Variants in PSD4 observed in about 807,000 individuals in gnomAD.
PSD4 encodes pleckstrin and Sec7 domain containing 4.
A neutral mutation model predicts 112.5 loss-of-function variants in PSD4; 59 were observed. The ratio of observed to expected loss-of-function variants is 0.52; its 90% CI spans 0.43 to 0.65. The LOEUF (loss-of-function observed/expected upper bound fraction) is 0.65, where lower values mean the gene tolerates loss of function less well. PSD4 is among the 30% of genes least tolerant of loss of function. The pLI is 0.00. For synonymous variants in PSD4, 533 were observed against 540.0 expected (o/e 0.99, Z 0.18); for missense variants, 1,267 against 1,352.6 (o/e 0.94, Z 0.99).
chr2:113,199,142 T>G lies in PSD4; in HGVS notation c.2829T>G (p.Asp943Glu), dbSNP rs1688702354. Residue 943 changes from aspartate (D) to glutamate (E), a missense_variant, in exon 16 of 17, where the codon GAT becomes GAG. Physicochemically the swap from Asp to Glu is conservative, Grantham distance 45. Around this residue, in one of 2 missense-constraint regions of PSD4, gnomAD observed 544 missense variants for 648.6 expected, o/e 0.84. Coordinates refer to ENST00000245796, the MANE Select transcript of PSD4 (RefSeq NM_012455.3). ...ACGCTGCCGCGGACGACCTGCTGGA[T>G]CTACAGAGGAACCTGCCGGAGCGGC... ...CLDAAADDLLDLQRNLPERRG... is the reference protein window; with the variant it reads ...CLDAAADDLLELQRNLPERRG... The G allele has an allele frequency of 1.3e-6, 2 of 1,530,202 alleles. No individual in the cohort carries two copies. The highest frequency in any genetic ancestry group is 2.6e-5 in the East Asian group (1 of 38,350). The allele number at this position is 1,530,202 out of a possible 1,614,324, so 94.8% of individuals were successfully genotyped here. A position where few individuals can be genotyped will look rare whatever the true frequency, so the allele number is the denominator to read the frequency against.
chr2:113,178,599 C>T (rs1281723144), intron 1 of PSD4, among the ~76,000 whole-genome samples: 1 of 151,978 alleles, frequency 6.6e-6, no homozygotes, highest in East Asian at 1.9e-4. Flanking sequence ...AGTGGGGTTT[C>T]CTCTCATCTT....
At chr2:113,199,603 T>TA (rs5833486) in intron 16 of PSD4, among the ~76,000 whole-genome samples, 43,199 of 152,156 alleles carry the variant, frequency 0.28, 6,978 homozygotes, top group African/African-American at 0.46. Flanking sequence ...CTGTTCCTTC[T>TA]AATACCTACC....
intron 8 of PSD4, 93 bp from the exon 9 acceptor site, chr2:113,193,499 G>A: frequency 6.6e-7 from 1 of 1,507,794 alleles, no homozygotes; most frequent in Non-Finnish European, 9.2e-7. Context: ...AAGCATTCCA[G>A]GGGTTATTCG....
At chr2:113,190,251 C>T (rs779342484) in intron 5 of PSD4, among the ~76,000 whole-genome samples, 1 of 152,152 alleles carries the variant, frequency 6.6e-6, no homozygotes, top group African/African-American at 2.4e-5. Flanking sequence ...ATTATCCCAA[C>T]ACCATTTGTT....
chr2:113,200,218 T>C (rs746138093), intron 16 of PSD4, among the ~76,000 whole-genome samples: 2 of 152,180 alleles, frequency 1.3e-5, no homozygotes, highest in African/African-American at 2.4e-5. Flanking sequence ...TCCCCAATTC[T>C]GCTTTGGTGT....
chr2:113,181,267 C>T (rs1268047429), intron 1 of PSD4, among the ~76,000 whole-genome samples: 8 of 150,968 alleles, frequency 5.3e-5, no homozygotes, highest in Non-Finnish European at 1.0e-4. Flanking sequence ...GGAGTGCTTA[C>T]GACATGCCAT....
intron 16 of PSD4, among the ~76,000 whole-genome samples, chr2:113,199,459 C>T (rs1474169233): frequency 2.6e-5 from 4 of 152,264 alleles, no homozygotes; most frequent in African/African-American, 7.2e-5. Context: ...AGGCCTGTCG[C>T]CTCTCGTCCT....
At chr2:113,199,762 A>G (rs2104510177) in intron 16 of PSD4, among the ~76,000 whole-genome samples, 1 of 152,358 alleles carries the variant, frequency 6.6e-6, no homozygotes, top group South Asian at 2.1e-4. Flanking sequence ...CAAATCTGGT[A>G]AATTTACATG....
chr2:113,184,785 C>T (rs1312895269), intron 2 of PSD4, among the ~76,000 whole-genome samples, 172 bp from the exon 3 acceptor site: 1 of 152,208 alleles, frequency 6.6e-6, no homozygotes, highest in Non-Finnish European at 1.5e-5. Context: ...CTGGGGCTAT[C>T]ACCCTCCCTA....
rs1396749553 is a variant in PSD4, at chr2:113,182,452, A to G, written c.-5A>G. ...GGGCACTCCTGGGCAGCTTTTGCTC[A>G]GTGGATGATGGGTGACTACAGACTC... On this transcript the variant is annotated 5_prime_UTR_variant, in exon 2 of 17. Coordinates refer to ENST00000245796, the MANE Select transcript of PSD4 (RefSeq NM_012455.3). The G allele has an allele frequency of 1.9e-6, 3 of 1,597,740 alleles. No homozygotes were observed. Among genetic ancestry groups the G allele is most frequent in the South Asian group, 2.2e-5 (2 of 89,576 alleles).
intron 5 of PSD4, among the ~76,000 whole-genome samples, chr2:113,187,438 G>A (rs1286993782): frequency 6.6e-6 from 1 of 152,186 alleles, no homozygotes; most frequent in Non-Finnish European, 1.5e-5. Context: ...AAGCTAGGTG[G>A]GCTCTAGTAA....
chr2:113,192,493 G>A lies in PSD4; in HGVS notation c.1742G>A (p.Gly581Asp), dbSNP rs749851010. ...RPPAGDKLANGVRNNKVAWNL... is the reference protein window; with the variant it reads ...RPPAGDKLANDVRNNKVAWNL... The stretch of plus-strand genomic sequence containing the variant: ...CCAGCTGGAGACAAGCTAGCTAATG[G>A]CGTCAGGAACAACAAGGTAGCCTGG... Residue 581 changes from glycine (G) to aspartate (D), a missense_variant, in exon 6 of 17, where the codon GGC (glycine) becomes GAC (aspartate). Around this residue, in one of 2 missense-constraint regions of PSD4, gnomAD observed 544 missense variants for 648.6 expected, o/e 0.84. Coordinates refer to ENST00000245796, the MANE Select transcript of PSD4 (RefSeq NM_012455.3). 3.1e-6 allele frequency: 5 copies of A among 1,614,212 alleles called. No individual in the cohort carries two copies. Among genetic ancestry groups the A allele is most frequent in the Non-Finnish European group, 3.4e-6 (4 of 1,180,048 alleles).
At chr2:113,193,392 C>A in intron 8 of PSD4, 22 bp downstream of exon 8, 2 of 1,604,944 alleles carry the variant, frequency 1.2e-6, no homozygotes, top group Non-Finnish European at 8.5e-7. Context: ...CTGGCCCTGA[C>A]AGCAAAGCAG....
rs1687897486 is a variant in PSD4 at position 113,174,000 on chromosome 2, A to C, written c.-166A>C. 6.6e-6 allele frequency: 1 copy of C among 152,520 alleles called. No homozygotes were observed. The highest frequency in any genetic ancestry group is 2.4e-5 in the African/African-American group (1 of 41,462). The allele number at this position is 152,520 out of a possible 1,614,324, so 9.4% of individuals were successfully genotyped here. Reference sequence around the variant, plus strand: ...TCACTGGGCAAGCCGACTGTGAGCCAGGAAGTGCTCTTGGGGAGCCCAGGC... The same window carrying C: ...TCACTGGGCAAGCCGACTGTGAGCCCGGAAGTGCTCTTGGGGAGCCCAGGC... On this transcript the variant is annotated 5_prime_UTR_variant, in exon 1 of 17. Transcript: ENST00000245796.
Position 113,197,859 on chromosome 2 carries a change from C to T in PSD4, c.2570C>T (p.Pro857Leu), listed in dbSNP as rs765703151. Residue 857 changes from proline (P) to leucine (L), a missense_variant, in exon 14 of 17, where the codon CCG becomes CTG. Pro to Leu is a moderately conservative substitution (Grantham distance 98, BLOSUM62 -3). This residue lies in a region of PSD4 where 544 missense variants were observed against 648.6 expected (regional missense o/e 0.84). Coordinates refer to ENST00000245796, the MANE Select transcript of PSD4 (RefSeq NM_012455.3). ...CCCGCCACGCATTACACCAAGAAGC[C>T]GCACGTCTTCCAGCTGCGCACGGCT... ...ATPATHYTKK[P>L]HVFQLRTADW... The T allele has an allele frequency of 5.6e-6, 9 of 1,608,164 alleles. No individual in the cohort carries two copies. Among genetic ancestry groups the T allele is most frequent in the African/African-American group, 2.7e-5 (2 of 74,772 alleles).
At chr2:113,193,498 A>G in intron 8 of PSD4, 94 bp from the exon 9 acceptor site, 1 of 1,507,476 alleles carries the variant, frequency 6.6e-7, no homozygotes, top group Non-Finnish European at 9.2e-7. Flanking sequence ...GAAGCATTCC[A>G]GGGGTTATTC....
intron 5 of PSD4, among the ~76,000 whole-genome samples, chr2:113,192,154 G>A (rs149804844): frequency 1.6e-4 from 25 of 152,006 alleles, no homozygotes; most frequent in Admixed American, 3.9e-4. Flanking sequence ...CTGAGAAAGC[G>A]CAGGACCCCA....
At chr2:113,193,556 A>G (rs747705329) in intron 8 of PSD4, 36 bp from the exon 9 acceptor site, 19 of 1,595,362 alleles carry the variant, frequency 1.2e-5, no homozygotes, top group South Asian at 2.2e-5. Flanking sequence ...CCTGGTTCCA[A>G]TGAGCTTTCT....
intron 1 of PSD4, among the ~76,000 whole-genome samples, chr2:113,175,026 C>T (rs1259879789): frequency 6.6e-6 from 1 of 152,146 alleles, no homozygotes; most frequent in African/African-American, 2.4e-5. Context: ...CCCCCTCCTC[C>T]TACAGACAAG....
Sources: gnomAD v4.1 joint callset for allele counts (sites outside exome capture counted in the v4.1 genomes callset) on GRCh38, gnomAD v4.1.1 for gene constraint, gnomAD v4.1.1 regional missense constraint, MANE v1.5 for transcripts, NCBI Gene and HGNC (gene_info 2026-07-23, HGNC 2026-07-21) for gene names.